The following HERC4 variants were observed in gnomAD, a reference collection of about 807,000 sequenced individuals.
HERC4 encodes HECT and RLD domain containing E3 ubiquitin protein ligase 4, also known as probable E3 ubiquitin-protein ligase HERC4.
HERC4 carries 28 observed loss-of-function variants against 124.3 expected under a neutral mutation model. The observed-to-expected ratio is 0.23, with a 90% CI of 0.17 to 0.31. The LOEUF (loss-of-function observed/expected upper bound fraction) is 0.31, where lower values mean the gene tolerates loss of function less well. Among genes scored for constraint, HERC4 ranks in the 10% least tolerant of loss-of-function variants. The probability of loss-of-function intolerance (pLI) is 1.00; values close to 1 mark genes in which losing one functional copy is unlikely to be tolerated. For synonymous variants in HERC4, 407 were observed against 421.5 expected, an observed-to-expected ratio of 0.97 and a Z score of 0.42; for missense variants, 713 against 1,229.3, an observed-to-expected ratio of 0.58 and a Z score of 6.28.
intron 16 of HERC4, chr10:67,964,711 T>C (rs973615609): frequency 1.3e-5 from 2 of 152,230 alleles, no homozygotes; most frequent in Admixed American, 6.5e-5. Context: ...ATCTGGCCCC[T>C]GCCCATTTCT....
At chr10:68,041,150 T>TTAACAG (rs10651200) in intron 4 of HERC4, among the ~76,000 whole-genome samples, 21 of 151,408 alleles carry the variant, frequency 1.4e-4, no homozygotes, top group African/African-American at 4.6e-4. Flanking sequence ...ACCACTAATG[T>TTAACAG]TTAGTAAAAA....
At chr10:67,927,854 A>T (rs954183886) in intron 23 of HERC4, among the ~76,000 whole-genome samples, 1 of 152,174 alleles carries the variant, frequency 6.6e-6, no homozygotes, top group African/African-American at 2.4e-5. Context: ...GTGAACAAAG[A>T]GGCAAAAATT....
chr10:67,958,087 G>A (rs184506783), intron 16 of HERC4, among the ~76,000 whole-genome samples: 2 of 152,304 alleles, frequency 1.3e-5, no homozygotes, highest in African/African-American at 2.4e-5. Flanking sequence ...GATTACAGGC[G>A]TGAGCCACTG....
In HERC4 at chr10:68,044,580, G is replaced by A. The variant is rs747144570; in HGVS notation, c.227-17C>T. 2.5e-6 allele frequency: 4 copies of A among 1,607,810 alleles called. No individual in the cohort carries two copies. The highest frequency in any genetic ancestry group is 3.4e-6 in the Non-Finnish European group (4 of 1,177,060). ...CAACCTGCTCTACAGAAATCAAGAA[G>A]AGAAATATTGCATTCTAGTACAGAA... On this transcript the variant is annotated splice_polypyrimidine_tract_variant and intron_variant, in intron 3 of 24. Transcript: ENST00000373700.
chr10:68,053,925 T>G (rs769096208), intron 3 of HERC4, among the ~76,000 whole-genome samples: 6 of 152,158 alleles, frequency 3.9e-5, no homozygotes, highest in Non-Finnish European at 8.8e-5. Flanking sequence ...CACTGAAAAA[T>G]TTTAATACTG....
chr10:68,026,152 G>A lies in HERC4; in HGVS notation c.778-476C>T, dbSNP rs116521733. ...GCTCTATCACCCAGGCTTGAGTGCC[G>A]TGGCATGATCATGGCTCACTGCAGC... On this transcript the variant is annotated intron_variant, in intron 7 of 24. Transcript: ENST00000373700. Among the ~76,000 whole-genome samples the A allele has an allele frequency of 4.5e-3, 687 of 152,210 alleles. 7 individuals carry two copies. The highest frequency in any genetic ancestry group is 0.016 in the African/African-American group (657 of 41,518).
chr10:67,931,671 C>T (rs1357658641), intron 23 of HERC4, among the ~76,000 whole-genome samples: 1 of 152,068 alleles, frequency 6.6e-6, no homozygotes, highest in Non-Finnish European at 1.5e-5. Flanking sequence ...GTGATCCGCC[C>T]ACCTTGGCCT....
chr10:68,045,647 T>A (rs1276863729), intron 3 of HERC4, among the ~76,000 whole-genome samples: 2 of 152,208 alleles, frequency 1.3e-5, no homozygotes, highest in Non-Finnish European at 2.9e-5. Flanking sequence ...GTCCTCAAGA[T>A]GTGTTTGTCA....
At chr10:67,994,139 C>A (rs1589269596) in intron 9 of HERC4, 1 of 151,838 alleles carries the variant, frequency 6.6e-6, no homozygotes, top group South Asian at 2.1e-4. Flanking sequence ...ACAAGAATAC[C>A]CTAAGGCCAA....
chr10:68,050,857 A>G (rs771550154), intron 3 of HERC4, among the ~76,000 whole-genome samples: 12 of 152,186 alleles, frequency 7.9e-5, no homozygotes, highest in East Asian at 1.9e-4. Flanking sequence ...AGAGAAATAA[A>G]TGAATCCAGC....
chr10:67,955,226 T>C, intron 17 of HERC4, 96 bp from the exon 18 acceptor site: 1 of 1,005,348 alleles, frequency 9.9e-7, no homozygotes, highest in East Asian at 2.8e-5. Context: ...ACAGGTATTC[T>C]ATAATTCCTA....
chr10:68,065,165 T>C (rs1226689174), intron 3 of HERC4, among the ~76,000 whole-genome samples: 2 of 152,012 alleles, frequency 1.3e-5, no homozygotes, highest in African/African-American at 4.8e-5. Flanking sequence ...GAAACATATA[T>C]GAATATAGAA....
intron 5 of HERC4, 142 bp from the exon 6 acceptor site, chr10:68,034,328 T>C (rs2039351315): frequency 1.5e-6 from 1 of 646,846 alleles, no homozygotes; most frequent in Admixed American, 2.9e-5. Context: ...ATAAATATTA[T>C]TTTTAGCAAT....
intron 15 of HERC4, among the ~76,000 whole-genome samples, chr10:67,982,515 G>A (rs935398562): frequency 6.6e-6 from 1 of 152,168 alleles, no homozygotes; most frequent in South Asian, 2.1e-4. Flanking sequence ...CTCAAACTAT[G>A]AAACTACTTA....
At chr10:67,940,577 G>A (rs898630515) in intron 20 of HERC4, among the ~76,000 whole-genome samples, 3 of 151,962 alleles carry the variant, frequency 2.0e-5, no homozygotes, top group Non-Finnish European at 2.9e-5. Context: ...GGGCCACCAC[G>A]CCTGGCTAAT....
intron 9 of HERC4, chr10:68,007,670 C>CT (rs1248178246): frequency 1.3e-5 from 2 of 151,492 alleles, no homozygotes; most frequent in Non-Finnish European, 2.9e-5. Context: ...CTGCAGCCAT[C>CT]TGCATTAGTG....
At chr10:68,021,308 C>T (rs2038609416) in intron 8 of HERC4, among the ~76,000 whole-genome samples, 1 of 152,120 alleles carries the variant, frequency 6.6e-6, no homozygotes. Flanking sequence ...AGAATGCAAA[C>T]CTGGTTCAAC....
chr10:68,007,241 T>C (rs2037628647), intron 9 of HERC4, among the ~76,000 whole-genome samples: 1 of 152,128 alleles, frequency 6.6e-6, no homozygotes, highest in Non-Finnish European at 1.5e-5. Context: ...AATTCTGCTG[T>C]TGAGAGCCTC....
intron 2 of HERC4, among the ~76,000 whole-genome samples, 155 bp from the exon 3 acceptor site, chr10:68,073,341 G>C (rs2041659955): frequency 6.6e-6 from 1 of 152,054 alleles, no homozygotes; most frequent in Non-Finnish European, 1.5e-5. Context: ...AAACCAATCA[G>C]TTGTATTTTT....
Sources: allele counts gnomAD v4.1 joint callset (sites outside exome capture counted in the v4.1 genomes callset), GRCh38; gene constraint gnomAD v4.1.1; transcripts MANE v1.5; gene names NCBI Gene and HGNC (gene_info 2026-07-23, HGNC 2026-07-21).